Variants in GAD1 observed in about 807,000 individuals in gnomAD.
GAD1 encodes the protein glutamate decarboxylase 1, also known as 67 kDa glutamic acid decarboxylase.
Under a neutral mutation model 75.2 loss-of-function variants are expected in GAD1, and 35 were observed. That is an observed-to-expected ratio of 0.47 (90% CI 0.36 to 0.62). The LOEUF (loss-of-function observed/expected upper bound fraction) is 0.62, where lower values mean the gene tolerates loss of function less well. GAD1 is among the 20% of genes least tolerant of loss of function. GAD1 has a pLI of 0.00. For synonymous variants in GAD1, 257 were observed against 271.9 expected (o/e 0.95, Z 0.54); for missense variants, 490 against 758.5 (o/e 0.65, Z 4.16).
chr2:170,845,949 T>C, intron 9 of GAD1, 60 bp from the exon 10 acceptor site: 1 of 1,550,358 alleles, frequency 6.5e-7, no homozygotes, highest in South Asian at 1.1e-5. Context: ...CTAAAGTTTT[T>C]TTCATGTGCA....
At chr2:170,817,936 ACGT>A in intron 1 of GAD1, 1 of 152,946 alleles carries the variant, frequency 6.5e-6, no homozygotes, top group Non-Finnish European at 1.5e-5. Context: ...CCGAGGGAGA[ACGT>A]AAAGATATGG....
At chr2:170,854,562 G>A (rs553835517) in intron 14 of GAD1, among the ~76,000 whole-genome samples, 99 of 152,126 alleles carry the variant, frequency 6.5e-4, no homozygotes, top group African/African-American at 2.2e-3. Flanking sequence ...CACTACGCCC[G>A]GCTAATTTTT....
At chr2:170,846,103 T>G (rs755813714) in intron 10 of GAD1, 40 bp downstream of exon 10, 1 of 1,518,492 alleles carries the variant, frequency 6.6e-7, no homozygotes, top group South Asian at 1.1e-5. Context: ...AGTTTTAAAA[T>G]ACCTTCTTTC....
chr2:170,823,770 C>T (rs2105761175), intron 3 of GAD1, among the ~76,000 whole-genome samples: 1 of 152,176 alleles, frequency 6.6e-6, no homozygotes, highest in Non-Finnish European at 1.5e-5. Flanking sequence ...GCCAGCCGGG[C>T]AGGCAGAACT....
intron 11 of GAD1, among the ~76,000 whole-genome samples, chr2:170,848,315 T>C (rs1016223337): frequency 1.6e-4 from 25 of 152,030 alleles, no homozygotes; most frequent in African/African-American, 5.8e-4. Context: ...CTTGCCAACA[T>C]GGTGAAACCC....
chr2:170,822,218 T>A, intron 3 of GAD1, 69 bp downstream of exon 3: 2 of 1,311,606 alleles, frequency 1.5e-6, no homozygotes, highest in East Asian at 2.4e-5. Flanking sequence ...CTTGGGAGAC[T>A]GGGACGCAAG....
intron 16 of GAD1, 90 bp downstream of exon 16, chr2:170,858,983 G>A: frequency 1.7e-6 from 2 of 1,164,012 alleles, no homozygotes; most frequent in Middle Eastern, 1.9e-4. Context: ...TCTAGTGGGG[G>A]AAATATAAAA....
intron 6 of GAD1, chr2:170,842,697 C>G (rs1003500242): frequency 3.1e-6 from 5 of 1,611,474 alleles, no homozygotes; most frequent in Non-Finnish European, 4.2e-6. Context: ...TCCTAAATTT[C>G]CAGGGGCCTC....
At chr2:170,828,893 T>C (rs1702139181) in intron 3 of GAD1, 1 of 191,804 alleles carries the variant, frequency 5.2e-6, no homozygotes, top group Non-Finnish European at 1.0e-5. Context: ...CCCTCTGTGG[T>C]CCTCACTCTC....
upstream of GAD1, chr2:170,816,833 CCCCACTCTGCCCCCGCCTA>C (rs1355454835): frequency 6.5e-6 from 1 of 154,992 alleles, no homozygotes; most frequent in African/African-American, 2.4e-5. Flanking sequence ...GTCCCCGCCT[CCCCACTCTGCCCCCGCCTA>C]CCCCGGAGCC....
chr2:170,814,808 C>G (rs1328699779), upstream of GAD1, among the ~76,000 whole-genome samples: 2 of 152,158 alleles, frequency 1.3e-5, no homozygotes, highest in Non-Finnish European at 2.9e-5. Flanking sequence ...GATTCCTTCT[C>G]CAACGAGATT....
chr2:170,851,195 T>C (rs1217045743), intron 12 of GAD1, among the ~76,000 whole-genome samples: 1 of 152,230 alleles, frequency 6.6e-6, no homozygotes, highest in Non-Finnish European at 1.5e-5. Context: ...ATTCATATTA[T>C]GTCTTATTAC....
At chr2:170,852,873 A>C in intron 13 of GAD1, 81 bp downstream of exon 13, 1 of 1,229,330 alleles carries the variant, frequency 8.1e-7, no homozygotes, top group Non-Finnish European at 1.2e-6. Context: ...GTCTCTTTGC[A>C]GTACTTGTTG....
At chr2:170,828,697 T>C (rs1340476419) in intron 3 of GAD1, among the ~76,000 whole-genome samples, 1 of 121,274 alleles carries the variant, frequency 8.2e-6, no homozygotes, top group Admixed American at 8.5e-5. Context: ...ACCCTCCTCC[T>C]CTGTTGTCCA....
chr2:170,857,086 T>C lies in GAD1; in HGVS notation c.1482T>C (p.Ile494=). 6.2e-7 allele frequency: 1 copy of C among 1,613,814 alleles called. No homozygotes were observed. Among genetic ancestry groups the C allele is most frequent in the Non-Finnish European group, 8.5e-7 (1 of 1,179,888 alleles). ...TGGCTGAATACCTCTATGCCAAGAT[T>C]AAAAACAGAGAAGAATTTGAGATGG... The part of the protein sequence containing the change: ...LELAEYLYAK[I]KNREEFEMVF... Residue 494 remains isoleucine (I), a synonymous_variant, in exon 15 of 17, where the codon ATT becomes ATC. Transcript: ENST00000358196.
intron 2 of GAD1, among the ~76,000 whole-genome samples, chr2:170,821,417 G>A (rs1701874957): frequency 6.6e-6 from 1 of 152,180 alleles, no homozygotes; most frequent in Admixed American, 6.5e-5. Context: ...ATGTCAGAGG[G>A]AAGGGTTAAT....
At position 170,845,780 on chromosome 2, in the gene GAD1, T is replaced by C. The variant is rs1440638962; in HGVS notation, c.942T>C (p.Asn314=). Residue 314 remains asparagine (N), a synonymous_variant, in exon 9 of 17, where the codon AAT becomes AAC. Transcript: ENST00000358196. ...ACAATGTGATTTTGATAAAGTGCAA[T>C]GAAAGGTAGGCAGGGGAGGGTGAAT... The part of the protein sequence containing the change: ...GTDNVILIKC[N]ERGKIIPADF... 6.2e-7 allele frequency: 1 copy of C among 1,614,024 alleles called. No homozygotes were observed. The highest frequency in any genetic ancestry group is 8.5e-7 in the Non-Finnish European group (1 of 1,179,894).
chr2:170,858,990 A>G, intron 16 of GAD1, 97 bp downstream of exon 16: 1 of 1,109,304 alleles, frequency 9.0e-7, no homozygotes, highest in Non-Finnish European at 1.4e-6. Context: ...GGGGAAATAT[A>G]AAAAATAAAG....
At chr2:170,854,073 C>G in intron 14 of GAD1, 51 bp downstream of exon 14, 1 of 1,603,330 alleles carries the variant, frequency 6.2e-7, no homozygotes, top group Non-Finnish European at 8.5e-7. Context: ...TTTGCACAGA[C>G]TGGCTGGCAA....
Sources: allele counts gnomAD v4.1 joint callset (sites outside exome capture counted in the v4.1 genomes callset), GRCh38; gene constraint gnomAD v4.1.1; transcripts MANE v1.5; gene names NCBI Gene and HGNC (gene_info 2026-07-23, HGNC 2026-07-21).